The following TEX35 variants were observed in gnomAD, a reference collection of about 807,000 sequenced individuals.
TEX35 encodes testis-expressed protein 35.
TEX35 carries 26 observed loss-of-function variants against 31.9 expected under a neutral mutation model. The ratio of observed to expected loss-of-function variants is 0.81; its 90% CI spans 0.60 to 1.13. TEX35 has a LOEUF of 1.13. TEX35 is among the 50% of genes most tolerant of loss of function. The probability of loss-of-function intolerance (pLI) is 0.00; values close to 1 mark genes in which losing one functional copy is unlikely to be tolerated. For synonymous variants in TEX35, 87 were observed against 90.7 expected, an observed-to-expected ratio of 0.96 and a Z score of 0.23; for missense variants, 278 against 273.5, an observed-to-expected ratio of 1.02 and a Z score of -0.12.
intron 5 of TEX35, among the ~76,000 whole-genome samples, chr1:178,517,611 T>G (rs991424119): frequency 6.6e-6 from 1 of 152,190 alleles, no homozygotes; most frequent in African/African-American, 2.4e-5. Flanking sequence ...CGCCAGTGGG[T>G]TTTAGTTGCC....
At chr1:178,520,931 C>A in intron 7 of TEX35, 57 bp downstream of exon 7, 1 of 1,602,634 alleles carries the variant, frequency 6.2e-7, no homozygotes, top group African/African-American at 1.3e-5. Context: ...CTCCGGCTCC[C>A]TGGTGACTTC....
intron 4 of TEX35, among the ~76,000 whole-genome samples, chr1:178,516,206 G>A (rs1408987219): frequency 6.6e-6 from 1 of 152,222 alleles, no homozygotes; most frequent in African/African-American, 2.4e-5. Flanking sequence ...GAATTTAGGG[G>A]AAGTCAGGGA....
intron 5 of TEX35, among the ~76,000 whole-genome samples, chr1:178,519,598 G>C (rs1650195647): frequency 6.6e-6 from 1 of 152,072 alleles, no homozygotes; most frequent in Admixed American, 6.5e-5. Flanking sequence ...CTATGCAGAT[G>C]GTGTAATTTC....
At chr1:178,513,502 G>A (rs758196847) in intron 1 of TEX35, among the ~76,000 whole-genome samples, 1 of 152,250 alleles carries the variant, frequency 6.6e-6, no homozygotes, top group South Asian at 2.1e-4. Flanking sequence ...ATGGTTCCAC[G>A]GCCCATGCCA....
intron 2 of TEX35, 101 bp downstream of exon 2, chr1:178,514,178 TG>T (rs1410050627): frequency 6.2e-7 from 1 of 1,601,856 alleles, no homozygotes; most frequent in East Asian, 2.2e-5. Context: ...GGCCAAGATT[TG>T]TCCCAGGTGC....
chr1:178,515,929 G>A lies in TEX35; in HGVS notation c.216+14G>A, dbSNP rs371487151. 3 of 1,602,148 alleles carry A rather than the reference G, an allele frequency of 1.9e-6. No homozygotes were observed. The highest frequency in any genetic ancestry group is 2.6e-6 in the Non-Finnish European group (3 of 1,169,848). On this transcript the variant is annotated intron_variant, in intron 4 of 8. Transcript: ENST00000319416. ...GAGATAAAACAGGTAAGAAGATGAG[G>A]CCTTCCATATCATGGAGGGAAAGTG...
chr1:178,521,769 C>T (rs1192548806), intron 8 of TEX35: 1 of 1,551,526 alleles, frequency 6.4e-7, no homozygotes, highest in African/African-American at 1.4e-5. Flanking sequence ...CCACCCCAAC[C>T]CCAGGCCTCC....
At position 178,513,193 on chromosome 1, in the gene TEX35, C is replaced by T. The variant is rs758053108; in HGVS notation, c.5C>T (p.Ser2Leu). The T allele has an allele frequency of 1.5e-5, 24 of 1,614,020 alleles. No homozygotes were observed. Among genetic ancestry groups the T allele is most frequent in the East Asian group, 4.5e-5 (2 of 44,900 alleles). Residue 2 changes from serine to leucine, a missense_variant, in exon 1 of 9, where the codon TCG becomes TTG. Ser to Leu is a moderately radical substitution (Grantham distance 145). Coordinates refer to ENST00000319416, the MANE Select transcript of TEX35 (RefSeq NM_032126.5). MSAKRAELKKTH... is the reference protein window; with the variant it reads MLAKRAELKKTH... ...AACACCCTGGCCTCCTCCATCATGTCGGCCAAGAGGGCAGAATTGAAGAAA... is the reference window on the plus strand; with the variant it reads ...AACACCCTGGCCTCCTCCATCATGTTGGCCAAGAGGGCAGAATTGAAGAAA...
chr1:178,518,679 T>G (rs1374401136), intron 5 of TEX35, among the ~76,000 whole-genome samples: 1 of 152,200 alleles, frequency 6.6e-6, no homozygotes, highest in Non-Finnish European at 1.5e-5. Context: ...TCATAGCAGT[T>G]ATTTCTGGAT....
intron 2 of TEX35, 71 bp downstream of exon 2, chr1:178,514,148 G>T (rs773319234): frequency 1.2e-6 from 2 of 1,612,504 alleles, no homozygotes; most frequent in Non-Finnish European, 1.7e-6. Flanking sequence ...AGGAGTCAGG[G>T]GTCATTTGCT....
rs1200770008 is a variant in TEX35, at chr1:178,522,550, A to G, written c.*110A>G. 3.8e-6 allele frequency: 5 copies of G among 1,327,144 alleles called. No homozygotes were observed. The highest frequency in any genetic ancestry group is 2.4e-5 in the South Asian group (1 of 41,796). 82.2% of individuals were successfully genotyped at this position (1,327,144 alleles called of 1,614,324 possible). Reference sequence around the variant, plus strand: ...TTTGGCTTCAATTTGAAGGACGAGGAATGATGGGATTTCATATTTTATTTC... The same window carrying G: ...TTTGGCTTCAATTTGAAGGACGAGGGATGATGGGATTTCATATTTTATTTC... On this transcript the variant is annotated 3_prime_UTR_variant, in exon 9 of 9. Transcript: ENST00000319416.
chr1:178,516,731 A>G, intron 5 of TEX35, 57 bp downstream of exon 5: 1 of 1,204,582 alleles, frequency 8.3e-7, no homozygotes, highest in Non-Finnish European at 1.2e-6. Context: ...ACTGTGGAAG[A>G]GACACCAGCA....
chr1:178,521,343 T>C lies in TEX35; in HGVS notation c.586+79T>C, dbSNP rs906372152. On this transcript the variant is annotated intron_variant, in intron 8 of 8. Transcript: ENST00000319416. ...CCAAGGCCATGTGCTCCCAGCCGCA[T>C]TCACATCACACCCCTCCTGAGGTTG... is the stretch of plus-strand genomic sequence containing the variant. The C allele has an allele frequency of 8.0e-6, 12 of 1,498,586 alleles. No individual in the cohort carries two copies. The African/African-American group carries it at 1.5e-4, about 19-fold the overall frequency. The allele number at this position is 1,498,586 out of a possible 1,614,324, so 92.8% of individuals were successfully genotyped here.
chr1:178,519,322 T>C (rs1190351206), intron 5 of TEX35, among the ~76,000 whole-genome samples: 1 of 152,144 alleles, frequency 6.6e-6, no homozygotes. Context: ...TTTAATCTGG[T>C]TGATTAAAAG....
intron 8 of TEX35, chr1:178,521,557 G>A: frequency 6.9e-7 from 1 of 1,445,356 alleles, no homozygotes; most frequent in Non-Finnish European, 9.5e-7. Context: ...TCCCCATCCA[G>A]TGGGAAATAT....
chr1:178,520,222 C>T, intron 5 of TEX35, 150 bp from the exon 6 acceptor site: 1 of 673,754 alleles, frequency 1.5e-6, no homozygotes, highest in Admixed American at 2.8e-5. Context: ...AGAAGCTGTA[C>T]ATGTCACGGA....
At chr1:178,521,057 C>G in intron 7 of TEX35, 165 bp from the exon 8 acceptor site, 1 of 1,558,018 alleles carries the variant, frequency 6.4e-7, no homozygotes, top group Non-Finnish European at 8.7e-7. Context: ...TGTGGAGCCT[C>G]CTTAGCTGTG....
chr1:178,519,467 GT>G (rs1650190552), intron 5 of TEX35, among the ~76,000 whole-genome samples: 1 of 152,138 alleles, frequency 6.6e-6, no homozygotes, highest in Non-Finnish European at 1.5e-5. Flanking sequence ...TGACTCTGAT[GT>G]TTTGGACCTA....
intron 8 of TEX35, chr1:178,521,600 G>A: frequency 6.5e-7 from 1 of 1,549,118 alleles, no homozygotes; most frequent in Non-Finnish European, 8.7e-7. Context: ...TTTCACCCTT[G>A]GCTTCTGGAG....
Sources: gnomAD v4.1 joint callset for allele counts (sites outside exome capture counted in the v4.1 genomes callset) on GRCh38, gnomAD v4.1.1 for gene constraint, MANE v1.5 for transcripts, NCBI Gene and HGNC (gene_info 2026-07-23, HGNC 2026-07-21) for gene names.